Variants in NSD3 observed in about 807,000 individuals in gnomAD.
NSD3 encodes the protein histone-lysine N-methyltransferase NSD3.
A neutral mutation model predicts 160.8 loss-of-function variants in NSD3; 24 were observed. The ratio of observed to expected loss-of-function variants is 0.15; its 90% CI spans 0.11 to 0.21. The LOEUF (loss-of-function observed/expected upper bound fraction) is 0.21. NSD3 is among the 10% of genes least tolerant of loss of function. The pLI, the probability that NSD3 is intolerant of heterozygous loss-of-function variation, is 1.00. For missense variants in NSD3, 1,157 were observed against 1,735.9 expected (o/e 0.67, Z 5.93); for synonymous variants, 520 against 600.0 (o/e 0.87, Z 1.95).
At chr8:38,282,598 G>A (rs1808755494) in intron 19 of NSD3, among the ~76,000 whole-genome samples, 1 of 152,218 alleles carries the variant, frequency 6.6e-6, no homozygotes, top group Non-Finnish European at 1.5e-5. Context: ...CGAAACCCAG[G>A]AGGTAGAGGC....
intron 2 of NSD3, among the ~76,000 whole-genome samples, chr8:38,341,668 C>T (rs771189633): frequency 6.6e-6 from 1 of 152,008 alleles, no homozygotes; most frequent in African/African-American, 2.4e-5. Context: ...AAAAACGGTA[C>T]CAGCTGTGCA....
intron 1 of NSD3, among the ~76,000 whole-genome samples, chr8:38,367,372 C>T (rs936979581): frequency 2.6e-5 from 4 of 151,986 alleles, no homozygotes; most frequent in African/African-American, 4.8e-5. Context: ...AAGTGTAGGG[C>T]TTGAGTTTTC....
At chr8:38,320,172 T>TA (rs1404869942) in intron 8 of NSD3, 1 of 152,204 alleles carries the variant, frequency 6.6e-6, no homozygotes, top group Non-Finnish European at 1.5e-5. Context: ...TGCTTGGTGA[T>TA]ACCACAGAGC....
chr8:38,332,766 T>G (rs1467174791), intron 4 of NSD3, among the ~76,000 whole-genome samples: 1 of 152,024 alleles, frequency 6.6e-6, no homozygotes. Flanking sequence ...TTGGTTGTAT[T>G]TTACAGAGGT....
intron 1 of NSD3, among the ~76,000 whole-genome samples, chr8:38,362,573 C>T (rs1467856597): frequency 2.0e-5 from 3 of 152,052 alleles, no homozygotes; most frequent in East Asian, 3.9e-4. Context: ...GCTCAAAATA[C>T]GAGTGTAAGT....
Position 38,299,426 on chromosome 8 carries a change from A to G in NSD3, c.2758+18T>C. The G allele has an allele frequency of 6.2e-7, 1 of 1,602,890 alleles. No individual in the cohort carries two copies. Among genetic ancestry groups the G allele is most frequent in the East Asian group, 2.2e-5 (1 of 44,642 alleles). On this transcript the variant is annotated intron_variant, in intron 15 of 23. Coordinates refer to ENST00000317025, the MANE Select transcript of NSD3 (RefSeq NM_023034.2). ...GAAATGCAAAAATAAAAGCAAGAGAAACTATTTTGATTATTACCTTTCTCA... is the reference window on the plus strand; with the variant it reads ...GAAATGCAAAAATAAAAGCAAGAGAGACTATTTTGATTATTACCTTTCTCA...
rs949562870 is a variant in NSD3, at chr8:38,292,610, A to G, written c.2916-1933T>C. ...ATCCTGGCCAACATGGTGAAACCCC[A>G]TCTCTACTAAAAAAAAAAAATACAA... On this transcript the variant is annotated intron_variant, in intron 16 of 23. Transcript: ENST00000317025. 1.5e-4 allele frequency among the ~76,000 whole-genome samples: 22 copies of G among 151,208 alleles called. 1 individual carries two copies. Among genetic ancestry groups the G allele is most frequent in the South Asian group, 8.3e-4 (4 of 4,802 alleles).
chr8:38,313,225 A>T (rs1039939747), intron 12 of NSD3, among the ~76,000 whole-genome samples: 1 of 152,064 alleles, frequency 6.6e-6, no homozygotes, highest in African/African-American at 2.4e-5. Flanking sequence ...GTGTGTATGT[A>T]TGTGAATGAA....
chr8:38,303,111 A>T (rs1809314278), intron 14 of NSD3: 1 of 446,820 alleles, frequency 2.2e-6, no homozygotes, highest in South Asian at 9.5e-5. Context: ...ACTGACAGGA[A>T]ATGTCAGTGC....
At chr8:38,356,428 G>T (rs2150388194) in intron 1 of NSD3, among the ~76,000 whole-genome samples, 1 of 152,162 alleles carries the variant, frequency 6.6e-6, no homozygotes, top group South Asian at 2.1e-4. Context: ...AACAGGAAAA[G>T]AAATCAAGCC....
chr8:38,283,761 T>C (rs1808787946), intron 19 of NSD3, among the ~76,000 whole-genome samples: 1 of 152,088 alleles, frequency 6.6e-6, no homozygotes, highest in South Asian at 2.1e-4. Flanking sequence ...CCACTGGCTT[T>C]TTCTCTCTCT....
chr8:38,295,724 C>T (rs1173534849), intron 16 of NSD3, 72 bp downstream of exon 16: 13 of 1,444,218 alleles, frequency 9.0e-6, no homozygotes, highest in African/African-American at 4.3e-5. Flanking sequence ...CTCCAAGTCA[C>T]TCTGTATCCA....
chr8:38,323,894 A>T (rs1809849497), intron 7 of NSD3, among the ~76,000 whole-genome samples: 1 of 152,044 alleles, frequency 6.6e-6, no homozygotes, highest in Non-Finnish European at 1.5e-5. Context: ...CCAAAATAAA[A>T]GCATAATATT....
chr8:38,301,488 G>A (rs937045274), intron 14 of NSD3, among the ~76,000 whole-genome samples: 11 of 152,198 alleles, frequency 7.2e-5, no homozygotes, highest in African/African-American at 2.7e-4. Flanking sequence ...GCTGAGGCAG[G>A]AGAATCGCTT....
chr8:38,316,193 A>C lies in NSD3; in HGVS notation c.1856-151T>G. ...TGTAACACTGAAATAATGAGTCAAA[A>C]CTTCAGAACTTCTGACCTTCCTGGT... is the stretch of plus-strand genomic sequence containing the variant. On this transcript the variant is annotated intron_variant, in intron 9 of 23. Transcript: ENST00000317025. The surrounding 1 kb of genome is among the most constrained non-coding windows in gnomAD (Gnocchi z 4.5). 3 of 1,217,370 alleles carry C rather than the reference A, an allele frequency of 2.5e-6. No homozygotes were observed. The highest frequency in any genetic ancestry group is 2.2e-6 in the Non-Finnish European group (2 of 907,624). The allele number at this position is 1,217,370 out of a possible 1,614,324, so 75.4% of individuals were successfully genotyped here.
intron 15 of NSD3, 57 bp downstream of exon 15, chr8:38,299,387 A>C (rs1809230260): frequency 1.3e-6 from 2 of 1,557,014 alleles, no homozygotes; most frequent in Admixed American, 3.6e-5. Flanking sequence ...CTATATTGAA[A>C]GAGAAAAAAA....
intron 12 of NSD3, 81 bp from the exon 13 acceptor site, chr8:38,305,526 G>T: frequency 7.2e-7 from 1 of 1,384,544 alleles, no homozygotes; most frequent in Non-Finnish European, 1.0e-6. Context: ...ACATCAAACA[G>T]CTACTCCTAA....
intron 1 of NSD3, among the ~76,000 whole-genome samples, chr8:38,373,501 AG>A (rs1811309304): frequency 6.6e-6 from 1 of 152,092 alleles, no homozygotes; most frequent in Non-Finnish European, 1.5e-5. Context: ...TATTTCTTAA[AG>A]TTTTTGTTTG....
chr8:38,361,754 CA>C (rs756700150), intron 1 of NSD3, among the ~76,000 whole-genome samples: 446 of 31,164 alleles, frequency 0.014, no homozygotes, highest in Middle Eastern at 0.025. Flanking sequence ...GACTCCGTCT[CA>C]AAAAAAAAAA....
Sources: allele counts gnomAD v4.1 joint callset (sites outside exome capture counted in the v4.1 genomes callset), GRCh38; gene constraint gnomAD v4.1.1; non-coding constraint Gnocchi (gnomAD v3.1); transcripts MANE v1.5; gene names NCBI Gene and HGNC (gene_info 2026-07-23, HGNC 2026-07-21).